Variants in PPP4R4 observed in about 807,000 individuals in gnomAD.
PPP4R4 encodes the protein protein phosphatase 4 regulatory subunit 4, also known as serine/threonine-protein phosphatase 4 regulatory subunit 4.
A neutral mutation model predicts 121.8 loss-of-function variants in PPP4R4; 70 were observed. That is an observed-to-expected ratio of 0.57 (90% CI 0.47 to 0.70). PPP4R4 has a LOEUF of 0.70. Ranked by LOEUF, PPP4R4 falls within the 30% of genes least tolerant of loss-of-function variation. PPP4R4 has a pLI of 0.00. For synonymous variants in PPP4R4, 348 were observed against 355.7 expected (o/e 0.98, Z 0.24); for missense variants, 875 against 1,033.6 (o/e 0.85, Z 2.10).
intron 11 of PPP4R4, among the ~76,000 whole-genome samples, chr14:94,242,984 A>G (rs901822371): frequency 5.3e-5 from 8 of 152,158 alleles, no homozygotes; most frequent in African/African-American, 1.9e-4. Flanking sequence ...TGGTTGCAAT[A>G]AATACGGATA....
Position 94,234,623 on chromosome 14 carries a change from C to T in PPP4R4, c.685C>T (p.Arg229Ter), listed in dbSNP as rs1295955130. The T allele has an allele frequency of 1.2e-6, 2 of 1,609,210 alleles. No individual in the cohort carries two copies. The highest frequency in any genetic ancestry group is 1.7e-6 in the Non-Finnish European group (2 of 1,175,992). Residue 229 changes from arginine to a stop codon, truncating the protein, a stop_gained, in exon 7 of 25, where the codon CGA becomes TGA. Transcript: ENST00000304338. LOFTEE classifies it high-confidence loss of function. ...SLCQDVEYEV[R>*]SCMCRQLENI... ...CTGTCAAGATGTAGAATATGAAGTTCGATCTTGTATGTGTCGGCAATTAGA... is the reference window on the plus strand; with the variant it reads ...CTGTCAAGATGTAGAATATGAAGTTTGATCTTGTATGTGTCGGCAATTAGA...
intron 13 of PPP4R4, among the ~76,000 whole-genome samples, chr14:94,245,977 A>G (rs1892873124): frequency 6.6e-6 from 1 of 152,192 alleles, no homozygotes; most frequent in Non-Finnish European, 1.5e-5. Flanking sequence ...GTAGAAATTT[A>G]TTCTTTATTA....
In PPP4R4 at chr14:94,267,027, C is replaced by T. The variant is rs145006647; in HGVS notation, c.2447C>T (p.Ala816Val). ...GGAAAGACTTCTGTGCTTTCACTAG[C>T]TGGTAAGTAGCAATCTAAGTTCTTC... is the stretch of plus-strand genomic sequence containing the variant. Reference protein sequence around the residue: ...GLGKTSVLSLADDSFRTRNAS... With the variant: ...GLGKTSVLSLVDDSFRTRNAS... Residue 816 changes from alanine (A) to valine (V), a missense_variant and splice_region_variant, in exon 23 of 25, where the codon GCT becomes GTT. Coordinates refer to ENST00000304338, the MANE Select transcript of PPP4R4 (RefSeq NM_058237.2). The T allele has an allele frequency of 7.1e-4, 1,127 of 1,582,496 alleles. No individual in the cohort carries two copies. The highest frequency in any genetic ancestry group is 8.5e-4 in the Non-Finnish European group (986 of 1,154,614).
chr14:94,177,721 G>C (rs1888756316), intron 2 of PPP4R4, among the ~76,000 whole-genome samples: 1 of 152,114 alleles, frequency 6.6e-6, no homozygotes, highest in Non-Finnish European at 1.5e-5. Context: ...TTTAAGGAAA[G>C]CTTATTTGTT....
intron 11 of PPP4R4, among the ~76,000 whole-genome samples, chr14:94,244,041 A>C (rs887401948): frequency 5.3e-5 from 8 of 152,122 alleles, no homozygotes; most frequent in African/African-American, 1.7e-4. Context: ...GTGAAATAGA[A>C]ACTGGTAAAT....
intron 2 of PPP4R4, among the ~76,000 whole-genome samples, chr14:94,207,555 G>C (rs1030540322): frequency 3.3e-5 from 5 of 151,916 alleles, no homozygotes; most frequent in African/African-American, 1.2e-4. Flanking sequence ...TCCATTTGAA[G>C]AGATAAGTAA....
At chr14:94,195,235 A>G (rs1301408843) in intron 2 of PPP4R4, among the ~76,000 whole-genome samples, 1 of 152,156 alleles carries the variant, frequency 6.6e-6, no homozygotes, top group Non-Finnish European at 1.5e-5. Flanking sequence ...GATCCCCAGT[A>G]GTATCACCTG....
chr14:94,256,064 T>C (rs1893454908), intron 16 of PPP4R4, among the ~76,000 whole-genome samples: 3 of 152,212 alleles, frequency 2.0e-5, no homozygotes, highest in African/African-American at 7.2e-5. Flanking sequence ...TGCTTAAATA[T>C]CATCTTTTCA....
Position 94,278,638 on chromosome 14 carries a change from C to T in PPP4R4, c.2617C>T (p.Pro873Ser), listed in dbSNP as rs201217133. The change falls in exon 25 of 25, where the codon CCT (proline) becomes TCT (serine). Residue 873 changes from proline (P) to serine (S), a missense_variant. Pro to Ser is a moderately conservative substitution (Grantham distance 74, BLOSUM62 -1). Transcript: ENST00000304338. Reference sequence around the variant, plus strand: ...CCAAAGAAAATCCAGAAAATCCAATCCTTAAATCAACTGCTTGATGAAGGA... The same window carrying T: ...CCAAAGAAAATCCAGAAAATCCAATTCTTAAATCAACTGCTTGATGAAGGA... ...KATLKSRKSN[P>S] 6.9e-5 allele frequency: 108 copies of T among 1,575,096 alleles called. No homozygotes were observed. The East Asian group carries it at 2.4e-3, about 34-fold the overall frequency.
At chr14:94,277,796 T>A (rs1412554692) in intron 24 of PPP4R4, among the ~76,000 whole-genome samples, 3 of 152,094 alleles carry the variant, frequency 2.0e-5, no homozygotes, top group Admixed American at 2.0e-4. Flanking sequence ...TTTATATAAT[T>A]TATATATATG....
chr14:94,197,005 T>C (rs933260039), intron 2 of PPP4R4, among the ~76,000 whole-genome samples: 1 of 152,196 alleles, frequency 6.6e-6, no homozygotes, highest in African/African-American at 2.4e-5. Flanking sequence ...GGAGGTGTGG[T>C]TCAGGATAGC....
In PPP4R4 at chr14:94,278,839, G is replaced by A. The variant is rs563678883; in HGVS notation, c.*196G>A. On this transcript the variant is annotated 3_prime_UTR_variant, in exon 25 of 25. Coordinates refer to ENST00000304338, the MANE Select transcript of PPP4R4 (RefSeq NM_058237.2). ...TATTTCAAATTAGATTCCCTAGGAG[G>A]TATAATATATATTTCTTGAGTAATA... 75 of 372,004 alleles carry A rather than the reference G, an allele frequency of 2.0e-4. No homozygotes were observed. Among genetic ancestry groups the A allele is most frequent in the Non-Finnish European group, 2.8e-4 (59 of 212,078 alleles). 23.0% of individuals were successfully genotyped at this position (372,004 alleles called of 1,614,324 possible).
chr14:94,275,858 G>A (rs1894610048), intron 24 of PPP4R4, among the ~76,000 whole-genome samples: 1 of 152,098 alleles, frequency 6.6e-6, no homozygotes, highest in East Asian at 1.9e-4. Flanking sequence ...TAAGGATATG[G>A]TATTTAATCA....
intron 2 of PPP4R4, among the ~76,000 whole-genome samples, chr14:94,193,770 A>T (rs1889723116): frequency 6.6e-6 from 1 of 152,220 alleles, no homozygotes; most frequent in African/African-American, 2.4e-5. Flanking sequence ...ACAGCTTGAG[A>T]TTCTAGAGAT....
At chr14:94,252,721 G>A (rs1027629522) in intron 16 of PPP4R4, among the ~76,000 whole-genome samples, 3 of 152,190 alleles carry the variant, frequency 2.0e-5, no homozygotes, top group African/African-American at 7.2e-5. Flanking sequence ...AGGAAAGAGA[G>A]ACATCAGAGT....
At chr14:94,251,137 GTTTTA>G (rs1380032816) in intron 15 of PPP4R4, among the ~76,000 whole-genome samples, 8 of 151,826 alleles carry the variant, frequency 5.3e-5, no homozygotes, top group Non-Finnish European at 1.0e-4. Flanking sequence ...ATTCAGTTTG[GTTTTA>G]TTTTTGAACA....
rs770931783 is a variant in PPP4R4 at position 94,244,645 on chromosome 14, T to A, written c.1277T>A (p.Leu426His). Residue 426 changes from leucine to histidine, a missense_variant, in exon 12 of 25, where the codon CTT becomes CAT. Physicochemically the swap from Leu to His is moderately conservative, Grantham distance 99 (BLOSUM62 -3). Transcript: ENST00000304338. Reference protein sequence around the residue: ...IAICFYEVSKLLNSGVYLIHK... With the variant: ...IAICFYEVSKHLNSGVYLIHK... ...ATTGCTATATTTTAGGTATCTAAGCTTCTGAATTCTGGAGTATATTTAATA... is the reference window on the plus strand; with the variant it reads ...ATTGCTATATTTTAGGTATCTAAGCATCTGAATTCTGGAGTATATTTAATA... 2 of 1,499,468 alleles carry A rather than the reference T, an allele frequency of 1.3e-6. No homozygotes were observed. The highest frequency in any genetic ancestry group is 1.8e-6 in the Non-Finnish European group (2 of 1,103,308). The allele number at this position is 1,499,468 out of a possible 1,614,324, so 92.9% of individuals were successfully genotyped here. A position where few individuals can be genotyped will look rare whatever the true frequency, so the allele number is the denominator to read the frequency against.
chr14:94,175,760 T>C (rs1888646334), intron 1 of PPP4R4: 2 of 434,490 alleles, frequency 4.6e-6, no homozygotes, highest in Non-Finnish European at 4.2e-6. Flanking sequence ...GCGTATGAAA[T>C]GGATTTCAGC....
At chr14:94,180,751 T>C (rs989973033) in intron 2 of PPP4R4, among the ~76,000 whole-genome samples, 2 of 152,088 alleles carry the variant, frequency 1.3e-5, no homozygotes, top group Non-Finnish European at 2.9e-5. Context: ...TAGCTGGGAC[T>C]ACAGAAGGCA....
Sources: gnomAD v4.1 joint callset for allele counts (sites outside exome capture counted in the v4.1 genomes callset) on GRCh38, gnomAD v4.1.1 for gene constraint, MANE v1.5 for transcripts, NCBI Gene and HGNC (gene_info 2026-07-23, HGNC 2026-07-21) for gene names.